Variants in PCDHGA9 observed in about 807,000 individuals in gnomAD.
PCDHGA9 encodes protocadherin gamma subfamily A, 9, also known as protocadherin gamma-A9.
In PCDHGA9, 37 loss-of-function variants were observed where a neutral mutation model predicts 62.5. The ratio of observed to expected loss-of-function variants is 0.59; its 90% CI spans 0.46 to 0.78. PCDHGA9 has a LOEUF of 0.78. PCDHGA9 is among the 30% of genes least tolerant of loss of function. The pLI, the probability that PCDHGA9 is intolerant of heterozygous loss-of-function variation, is 0.00. For synonymous variants in PCDHGA9, 459 were observed against 484.6 expected, an observed-to-expected ratio of 0.95 and a Z score of 0.69; for missense variants, 1,138 against 1,166.2, an observed-to-expected ratio of 0.98 and a Z score of 0.35.
Position 141,422,925 on chromosome 5 carries a change from T to C in PCDHGA9, c.2424+17549T>C, listed in dbSNP as rs568894245. ...ACAATGCGCCCGAGATCCTGTACCC[T>C]GCCCTCCCCACAGACGGCTCCACTG... On this transcript the variant is annotated intron_variant, in intron 1 of 3. Transcript: ENST00000573521. 1.4e-4 allele frequency: 220 copies of C among 1,614,202 alleles called. 2 individuals are homozygous for C. The South Asian group carries it at 2.2e-3, about 16-fold the overall frequency.
At chr5:141,500,453 C>G (rs1403599390) in intron 2 of PCDHGA9, among the ~76,000 whole-genome samples, 1 of 152,246 alleles carries the variant, frequency 6.6e-6, no homozygotes, top group African/African-American at 2.4e-5. Flanking sequence ...TCGTGATCCG[C>G]CCGCCTCGGC....
At chr5:141,428,241 A>C (rs1416124194) in intron 1 of PCDHGA9, 1 of 961,518 alleles carries the variant, frequency 1.0e-6, no homozygotes, top group Admixed American at 2.0e-5. Flanking sequence ...TGCAGGAGGC[A>C]CTGCCAGACT....
At chr5:141,436,256 C>T (rs953463822) in intron 1 of PCDHGA9, among the ~76,000 whole-genome samples, 1 of 152,100 alleles carries the variant, frequency 6.6e-6, no homozygotes, top group South Asian at 2.1e-4. Context: ...TTATTCTGAC[C>T]TCTGCTCACC....
Position 141,485,548 on chromosome 5 carries a change from T to C in PCDHGA9, c.2425-9259T>C, listed in dbSNP as rs749739126. ...ACCGAGCAGAGGTAGAGATCGTAGA[T>C]GTGAATGATCACGCCCCCCGTTTTC... On this transcript the variant is annotated intron_variant, in intron 1 of 3. Transcript: ENST00000573521. This position sits in a 1 kb window ranked among gnomAD's most constrained non-coding sequence, Gnocchi z 5.7. The C allele has an allele frequency of 3.1e-6, 5 of 1,614,040 alleles. No homozygotes were observed. The highest frequency in any genetic ancestry group is 3.4e-6 in the Non-Finnish European group (4 of 1,179,942).
chr5:141,487,485 G>A lies in PCDHGA9; in HGVS notation c.2425-7322G>A. On this transcript the variant is annotated intron_variant, in intron 1 of 3. Transcript: ENST00000573521. The surrounding 1 kb of genome is among the most constrained non-coding windows in gnomAD (Gnocchi z 5.0). ...GTTGATGTGGGAGGCCACTCTCATG[G>A]CTGTACACCCTTGGCTTCTGCACCC... The A allele has an allele frequency of 6.2e-7, 1 of 1,614,164 alleles. No homozygotes were observed. Among genetic ancestry groups the A allele is most frequent in the Non-Finnish European group, 8.5e-7 (1 of 1,180,030 alleles).
chr5:141,442,014 G>T, intron 1 of PCDHGA9: 1 of 220,044 alleles, frequency 4.5e-6, no homozygotes, highest in Non-Finnish European at 9.2e-6. Flanking sequence ...TCGCACGATG[G>T]GCCACAGGAA....
At chr5:141,410,364 C>A in intron 1 of PCDHGA9, 1 of 1,614,064 alleles carries the variant, frequency 6.2e-7, no homozygotes, top group Non-Finnish European at 8.5e-7. Flanking sequence ...TCTCTCAGCC[C>A]TGCTACTTGG....
At chr5:141,494,763 C>T in intron 1 of PCDHGA9, 44 bp from the exon 2 acceptor site, 4 of 1,613,926 alleles carry the variant, frequency 2.5e-6, no homozygotes, top group Admixed American at 1.7e-5. Context: ...GACATTCTAA[C>T]TTCTCACGGG....
rs1236961370 is a variant in PCDHGA9, at chr5:141,512,621, C to T, written c.*1448C>T. 1 of 152,964 alleles carries T rather than the reference C, an allele frequency of 6.5e-6. No homozygotes were observed. The highest frequency in any genetic ancestry group is 1.5e-5 in the Non-Finnish European group (1 of 68,612). 9.5% of individuals were successfully genotyped at this position (152,964 alleles called of 1,614,324 possible). A position where few individuals can be genotyped will look rare whatever the true frequency, so the allele number is the denominator to read the frequency against. Reference sequence around the variant, plus strand: ...CCATCCAGCGGGGCTGCCAGAGAACCCCAGACCTGCCCTTACAGTAGTGTA... The same window carrying T: ...CCATCCAGCGGGGCTGCCAGAGAACTCCAGACCTGCCCTTACAGTAGTGTA... On this transcript the variant is annotated 3_prime_UTR_variant, in exon 4 of 4. Coordinates refer to ENST00000573521, the MANE Select transcript of PCDHGA9 (RefSeq NM_018921.3).
chr5:141,410,447 C>A, intron 1 of PCDHGA9: 1 of 1,613,984 alleles, frequency 6.2e-7, no homozygotes, highest in Non-Finnish European at 8.5e-7. Context: ...GGGGACTTTG[C>A]CTTATTCTTA....
intron 1 of PCDHGA9, chr5:141,410,014 G>C (rs1185262301): frequency 1.2e-6 from 2 of 1,613,296 alleles, no homozygotes. Context: ...ACGCCTGGCT[G>C]TCCTACCACG....
At chr5:141,443,872 A>G (rs1446612063) in intron 1 of PCDHGA9, among the ~76,000 whole-genome samples, 1 of 152,212 alleles carries the variant, frequency 6.6e-6, no homozygotes, top group South Asian at 2.1e-4. Context: ...AAAATTACTG[A>G]TAAGTCAAGA....
rs142329128 is a variant in PCDHGA9, at chr5:141,439,495, C to T, written c.2424+34119C>T. Among the ~76,000 whole-genome samples the T allele has an allele frequency of 9.7e-4, 147 of 152,324 alleles. 1 individual carries two copies. The highest frequency in any genetic ancestry group is 3.4e-3 in the African/African-American group (140 of 41,568). ...TCAGCTTGCAAATTCCAGTGAGAAACGTCTTTCTCTCTGCTCTCAACTAAC... is the reference window on the plus strand; with the variant it reads ...TCAGCTTGCAAATTCCAGTGAGAAATGTCTTTCTCTCTGCTCTCAACTAAC... On this transcript the variant is annotated intron_variant, in intron 1 of 3. Coordinates refer to ENST00000573521, the MANE Select transcript of PCDHGA9 (RefSeq NM_018921.3).
At position 141,404,080 on chromosome 5, in the gene PCDHGA9, C is replaced by G. The variant is rs369802030; in HGVS notation, c.1128C>G (p.Ser376=). ...TTTTCAATGCTCATGACCGAGACTC[C>G]GGGAAGAATGGTCAAGTTGTCTGTT... ...ILLFNAHDRD[S]GKNGQVVCSI... The change falls in exon 1 of 4, where the codon TCC becomes TCG. Residue 376 remains serine, a synonymous_variant. Coordinates refer to ENST00000573521, the MANE Select transcript of PCDHGA9 (RefSeq NM_018921.3). 6.2e-7 allele frequency: 1 copy of G among 1,613,516 alleles called. No homozygotes were observed. The highest frequency in any genetic ancestry group is 8.5e-7 in the Non-Finnish European group (1 of 1,179,656).
chr5:141,436,902 G>A (rs2097852984), intron 1 of PCDHGA9, among the ~76,000 whole-genome samples: 1 of 152,210 alleles, frequency 6.6e-6, no homozygotes, highest in Admixed American at 6.5e-5. Flanking sequence ...TTTTATATGA[G>A]ACAATTTTGT....
intron 1 of PCDHGA9, chr5:141,418,093 C>G: frequency 8.1e-6 from 13 of 1,614,032 alleles, no homozygotes; most frequent in Non-Finnish European, 1.1e-5. Flanking sequence ...TCAGCGTAGA[C>G]GCGCAGAGCG....
chr5:141,426,375 G>A, intron 1 of PCDHGA9: 2 of 216,424 alleles, frequency 9.2e-6, no homozygotes, highest in South Asian at 7.8e-5. Flanking sequence ...GGGCACCCTC[G>A]GAGCAGATCC....
chr5:141,431,215 CCCTCTACCCCACG>C lies in PCDHGA9; in HGVS notation c.2424+25843_2424+25855del. The C allele has an allele frequency of 6.2e-7, 1 of 1,614,184 alleles. No homozygotes were observed. Among genetic ancestry groups the C allele is most frequent in the Non-Finnish European group, 8.5e-7 (1 of 1,180,048 alleles). On this transcript the variant is annotated intron_variant, in intron 1 of 3. Transcript: ENST00000573521. The surrounding 1 kb of genome is among the most constrained non-coding windows in gnomAD (Gnocchi z 4.8). ...AAAATGCAGCCACTGAGATGCGGTT[CCCTCTACCCCACG>C]CCTGGGATCCGGATATCGGGAAGAA... is the stretch of plus-strand genomic sequence containing the variant.
chr5:141,475,708 C>G (rs2099367415), intron 1 of PCDHGA9, among the ~76,000 whole-genome samples: 1 of 152,238 alleles, frequency 6.6e-6, no homozygotes, highest in African/African-American at 2.4e-5. Flanking sequence ...AACGGCTAGC[C>G]TCACAGCCCC....
Sources: gnomAD v4.1 joint callset for allele counts (sites outside exome capture counted in the v4.1 genomes callset) on GRCh38, gnomAD v4.1.1 for gene constraint, Gnocchi (gnomAD v3.1) non-coding constraint, MANE v1.5 for transcripts, NCBI Gene and HGNC (gene_info 2026-07-23, HGNC 2026-07-21) for gene names.